LNPEP: variants seen among roughly 807,000 people sequenced by gnomAD.
LNPEP encodes leucyl and cystinyl aminopeptidase.
Under a neutral mutation model 120.6 loss-of-function variants are expected in LNPEP, and 64 were observed. The observed-to-expected ratio is 0.53, with a 90% CI of 0.43 to 0.65. The LOEUF is 0.65. Ranked by LOEUF, LNPEP falls within the 30% of genes least tolerant of loss-of-function variation. LNPEP has a pLI of 0.00. For synonymous variants in LNPEP, 435 were observed against 425.4 expected (o/e 1.02, Z -0.28); for missense variants, 1,057 against 1,200.0 (o/e 0.88, Z 1.76).
chr5:96,950,357 A>G (rs1050206995), intron 1 of LNPEP, among the ~76,000 whole-genome samples: 1 of 152,176 alleles, frequency 6.6e-6, no homozygotes, highest in Non-Finnish European at 1.5e-5. Context: ...GCTGACCTAT[A>G]TTGGGGCACT....
At chr5:96,936,478 T>TG (rs1788877805) in intron 1 of LNPEP, 1 of 310,928 alleles carries the variant, frequency 3.2e-6, no homozygotes, top group African/African-American at 2.2e-5. Context: ...AGTGGGAAAG[T>TG]TGGCAGCTCA....
intron 11 of LNPEP, among the ~76,000 whole-genome samples, chr5:97,007,081 A>G (rs1395219948): frequency 6.6e-6 from 1 of 152,194 alleles, no homozygotes; most frequent in Non-Finnish European, 1.5e-5. Context: ...AGCAATTGAA[A>G]TGTAATTTTG....
chr5:97,008,759 G>A (rs1309217434), intron 11 of LNPEP, among the ~76,000 whole-genome samples: 1 of 146,170 alleles, frequency 6.8e-6, no homozygotes, highest in African/African-American at 2.5e-5. Flanking sequence ...CCGCCTCCCG[G>A]GTTCACGTCA....
intron 11 of LNPEP, among the ~76,000 whole-genome samples, chr5:97,009,225 A>G (rs1228361274): frequency 6.6e-6 from 1 of 152,138 alleles, no homozygotes; most frequent in African/African-American, 2.4e-5. Context: ...TAGCTCAGCC[A>G]TTGCTTGCTC....
At chr5:97,010,267 A>G (rs925547747) in intron 11 of LNPEP, 17 of 967,510 alleles carry the variant, frequency 1.8e-5, no homozygotes, top group Non-Finnish European at 2.1e-5. Context: ...TTTTCGTATT[A>G]AATCTAATGC....
At chr5:96,943,681 A>G (rs972312120) in intron 1 of LNPEP, among the ~76,000 whole-genome samples, 2 of 152,234 alleles carry the variant, frequency 1.3e-5, no homozygotes, top group African/African-American at 2.4e-5. Flanking sequence ...TTAAAATTCC[A>G]TCCTTAACAT....
intron 13 of LNPEP, among the ~76,000 whole-genome samples, chr5:97,017,030 AAC>A (rs1406440348): frequency 1.1e-4 from 16 of 152,308 alleles, no homozygotes; most frequent in African/African-American, 3.8e-4. Flanking sequence ...ATTGAGTCAT[AAC>A]ACATGCATAG....
Position 97,028,438 on chromosome 5 carries a change from T to C in LNPEP, c.2983T>C (p.Phe995Leu), listed in dbSNP as rs1429334361. Residue 995 changes from phenylalanine (F) to leucine (L), a missense_variant, in exon 18 of 18, where the codon TTC becomes CTC. Transcript: ENST00000231368. ...AFFENQSEAT[F>L]RLRCVQEALE... ...CTTTGAAAATCAGTCAGAGGCAACC[T>C]TCCGGCTTCGTTGTGTCCAGGAGGC... 6.2e-7 allele frequency: 1 copy of C among 1,613,990 alleles called. No individual in the cohort carries two copies. Among genetic ancestry groups the C allele is most frequent in the Admixed American group, 1.7e-5 (1 of 60,026 alleles).
At chr5:96,955,835 G>A (rs1018573606) in intron 1 of LNPEP, among the ~76,000 whole-genome samples, 2 of 152,160 alleles carry the variant, frequency 1.3e-5, no homozygotes, top group Non-Finnish European at 2.9e-5. Context: ...GGGTCATCTG[G>A]TACTGTAAGT....
chr5:97,000,261 A>G (rs1450737968), intron 8 of LNPEP, among the ~76,000 whole-genome samples: 3 of 152,208 alleles, frequency 2.0e-5, no homozygotes, highest in Admixed American at 6.5e-5. Context: ...AACACCATCT[A>G]AGGCATGAGG....
At chr5:97,027,278 G>A (rs1441113241) in intron 16 of LNPEP, among the ~76,000 whole-genome samples, 4 of 151,984 alleles carry the variant, frequency 2.6e-5, no homozygotes, top group African/African-American at 7.2e-5. Context: ...GTGTGAATCT[G>A]GGAGGCAGAA....
intron 1 of LNPEP, among the ~76,000 whole-genome samples, chr5:96,944,615 CTG>C: frequency 8.5e-6 from 1 of 118,038 alleles, no homozygotes. Flanking sequence ...GTCACCCAGA[CTG>C]GAGTGCAGTG....
At chr5:97,002,986 C>A (rs1426758119) in intron 8 of LNPEP, among the ~76,000 whole-genome samples, 2 of 152,056 alleles carry the variant, frequency 1.3e-5, no homozygotes, top group African/African-American at 4.8e-5. Context: ...CTTTTGAGAG[C>A]CTTGTCAATT....
intron 3 of LNPEP, 85 bp downstream of exon 3, chr5:96,985,303 G>T: frequency 9.0e-7 from 1 of 1,107,088 alleles, no homozygotes; most frequent in Admixed American, 2.5e-5. Context: ...CCAGACTACA[G>T]TTGAGAATGA....
chr5:96,953,988 A>G (rs1789382763), intron 1 of LNPEP, among the ~76,000 whole-genome samples: 1 of 152,216 alleles, frequency 6.6e-6, no homozygotes, highest in Admixed American at 6.5e-5. Flanking sequence ...TACTAGGTAC[A>G]TTGCAGAATA....
At position 97,029,587 on chromosome 5, in the gene LNPEP, G is replaced by GA. The variant is rs1292750185; in HGVS notation, c.*1059dup. On this transcript the variant is annotated 3_prime_UTR_variant, in exon 18 of 18. Transcript: ENST00000231368. ...TTTAAAACAGAGCCTTTGAGAAATT[G>GA]AAAAACAATTATTTGAAGTTCACCA... is the stretch of plus-strand genomic sequence containing the variant. 2 of 152,250 alleles carry GA rather than the reference G, an allele frequency of 1.3e-5. No homozygotes were observed. The highest frequency in any genetic ancestry group is 4.8e-5 in the African/African-American group (2 of 41,436). The allele number at this position is 152,250 out of a possible 1,614,324, so 9.4% of individuals were successfully genotyped here.
rs1790557493 is a variant in LNPEP at position 96,998,082 on chromosome 5, A to G, written c.1590A>G (p.Ile530Met). 3.2e-6 allele frequency: 5 copies of G among 1,586,574 alleles called. No individual in the cohort carries two copies. In the South Asian group the frequency reaches 4.5e-5, roughly 14 times the overall value. ...ATTCCTTAAATTCATCTCATCCAAT[A>G]TCATCATCTGTTCAGTCTTCAGAAC... ...KKDSLNSSHP[I>M]SSSVQSSEQI... The change falls in exon 8 of 18, where the codon ATA (isoleucine) becomes ATG (methionine). Residue 530 changes from isoleucine to methionine, a missense_variant. Coordinates refer to ENST00000231368, the MANE Select transcript of LNPEP (RefSeq NM_005575.3).
At chr5:96,973,652 A>C (rs558453662) in intron 1 of LNPEP, among the ~76,000 whole-genome samples, 1 of 152,252 alleles carries the variant, frequency 6.6e-6, no homozygotes, top group East Asian at 1.9e-4. Flanking sequence ...AGATGCAAAT[A>C]TTACAGCATT....
intron 1 of LNPEP, chr5:96,962,828 G>C (rs1789637967): frequency 6.6e-6 from 1 of 151,164 alleles, no homozygotes; most frequent in Non-Finnish European, 1.5e-5. Flanking sequence ...CATATGATTT[G>C]CCCTCAGTGA....
Sources: allele counts gnomAD v4.1 joint callset (sites outside exome capture counted in the v4.1 genomes callset), GRCh38; gene constraint gnomAD v4.1.1; transcripts MANE v1.5; gene names NCBI Gene and HGNC (gene_info 2026-07-23, HGNC 2026-07-21).